The following XPO4 variants were observed in gnomAD, a reference collection of about 807,000 sequenced individuals.
The protein encoded by XPO4 is exportin-4.
In XPO4, 39 loss-of-function variants were observed where a neutral mutation model predicts 143.0. The observed-to-expected ratio is 0.27, with a 90% CI of 0.21 to 0.36. The LOEUF (loss-of-function observed/expected upper bound fraction) is 0.36, where lower values mean the gene tolerates loss of function less well. XPO4 is among the 10% of genes least tolerant of loss of function. The pLI is 1.00. For synonymous variants in XPO4, 439 were observed against 474.0 expected, an observed-to-expected ratio of 0.93 and a Z score of 0.96; for missense variants, 907 against 1,348.0, an observed-to-expected ratio of 0.67 and a Z score of 5.12.
chr13:20,784,029 A>G, intron 22 of XPO4, 110 bp from the exon 23 acceptor site: 2 of 1,028,268 alleles, frequency 1.9e-6, no homozygotes, highest in African/African-American at 3.2e-5. Context: ...CATTTTTAAG[A>G]GTTAACATTT....
intron 14 of XPO4, 141 bp downstream of exon 14, chr13:20,800,690 C>A (rs544875432): frequency 5.7e-6 from 6 of 1,055,466 alleles, no homozygotes; most frequent in Non-Finnish European, 8.1e-6. Context: ...ATTCCAGTCA[C>A]ATAATTCTCT....
intron 19 of XPO4, among the ~76,000 whole-genome samples, chr13:20,789,112 G>C (rs74036444): frequency 6.6e-6 from 1 of 152,184 alleles, no homozygotes; most frequent in Non-Finnish European, 1.5e-5. Context: ...GTAAAAGTAA[G>C]TAATCTGGTT....
At chr13:20,901,515 CAA>C (rs932950398) in intron 1 of XPO4, among the ~76,000 whole-genome samples, 1 of 152,126 alleles carries the variant, frequency 6.6e-6, no homozygotes, top group Non-Finnish European at 1.5e-5. Context: ...GCTTAATTTG[CAA>C]AAGTGTGAAA....
chr13:20,891,269 T>C (rs1039595624), intron 1 of XPO4, among the ~76,000 whole-genome samples: 2 of 151,904 alleles, frequency 1.3e-5, no homozygotes, highest in African/African-American at 4.8e-5. Flanking sequence ...GGCTACCACA[T>C]TGGAGAGAGC....
At chr13:20,813,997 G>C (rs1396026210) in intron 9 of XPO4, among the ~76,000 whole-genome samples, 1 of 151,780 alleles carries the variant, frequency 6.6e-6, no homozygotes, top group African/African-American at 2.4e-5. Flanking sequence ...CTAAGAGCCA[G>C]GCACTGGAAT....
chr13:20,787,475 T>A lies in XPO4; in HGVS notation c.3165+6A>T, dbSNP rs369441775. On this transcript the variant is annotated splice_donor_region_variant and intron_variant, in intron 21 of 22. Transcript: ENST00000255305. ...GATTTTCTGACCTACCGCACAGACA[T>A]CTTACCTTAAGAAAGTGCCGTGTTG... 1 of 1,613,586 alleles carries A rather than the reference T, an allele frequency of 6.2e-7. No homozygotes were observed. Among genetic ancestry groups the A allele is most frequent in the Non-Finnish European group, 8.5e-7 (1 of 1,179,576 alleles).
At chr13:20,807,738 T>C in intron 12 of XPO4, 104 bp from the exon 13 acceptor site, 1 of 895,312 alleles carries the variant, frequency 1.1e-6, no homozygotes, top group Non-Finnish European at 1.5e-6. Context: ...TATAAATTGA[T>C]GTAAATTATA....
At chr13:20,859,407 T>C (rs1326665693) in intron 3 of XPO4, among the ~76,000 whole-genome samples, 3 of 152,170 alleles carry the variant, frequency 2.0e-5, no homozygotes, top group Non-Finnish European at 2.9e-5. Context: ...GAGACCATCC[T>C]GGCTAACACA....
Position 20,868,679 on chromosome 13 carries a change from T to A in XPO4, c.92A>T (p.Asn31Ile). 1 of 1,612,968 alleles carries A rather than the reference T, an allele frequency of 6.2e-7. No individual in the cohort carries two copies. The highest frequency in any genetic ancestry group is 8.5e-7 in the Non-Finnish European group (1 of 1,179,460). Residue 31 changes from asparagine (N) to isoleucine (I), a missense_variant, in exon 2 of 23, where the codon AAT becomes ATT. Physicochemically the swap from Asn to Ile is moderately radical, Grantham distance 149. Coordinates refer to ENST00000255305, the MANE Select transcript of XPO4 (RefSeq NM_022459.5). ...GTGCTCTGCATGCTGGCGTTGTTCATTATTGACCATGGAAGGTGGTGCCTT... is the reference window on the plus strand; with the variant it reads ...GTGCTCTGCATGCTGGCGTTGTTCAATATTGACCATGGAAGGTGGTGCCTT... ...VLMAPPSMVN[N>I]EQRQHAEHIF...
At chr13:20,811,462 A>G (rs1178742120) in intron 9 of XPO4, among the ~76,000 whole-genome samples, 2 of 151,716 alleles carry the variant, frequency 1.3e-5, no homozygotes, top group African/African-American at 4.8e-5. Flanking sequence ...TAATGTTTGT[A>G]TTTTTAGTAG....
rs1480360309 is a variant in XPO4, at chr13:20,832,044, A to C, written c.728-4865T>G. ...CCCCTCTCCCACAACAATCCTATCT[A>C]GCTCTAAAATTCTCCACTTAGGAAA... On this transcript the variant is annotated intron_variant, in intron 6 of 22. Coordinates refer to ENST00000255305, the MANE Select transcript of XPO4 (RefSeq NM_022459.5). Among the ~76,000 whole-genome samples the C allele has an allele frequency of 2.0e-5, 3 of 152,200 alleles. No homozygotes were observed. In the East Asian group the frequency reaches 5.8e-4, roughly 29 times the overall value.
At chr13:20,845,910 T>C (rs2060024405) in intron 4 of XPO4, among the ~76,000 whole-genome samples, 1 of 152,194 alleles carries the variant, frequency 6.6e-6, no homozygotes, top group Non-Finnish European at 1.5e-5. Context: ...CACTTAGCTT[T>C]TCACTTATCC....
intron 1 of XPO4, among the ~76,000 whole-genome samples, chr13:20,888,175 C>CAAAAAA (rs60114182): frequency 1.1e-5 from 1 of 90,584 alleles, no homozygotes; most frequent in African/African-American, 4.7e-5. Context: ...AACTCCATCT[C>CAAAAAA]AAAAAAAAAA....
At chr13:20,858,539 G>A (rs961034599) in intron 3 of XPO4, among the ~76,000 whole-genome samples, 12 of 152,092 alleles carry the variant, frequency 7.9e-5, no homozygotes, top group African/African-American at 2.7e-4. Context: ...GGGCAACACA[G>A]CAAGACTCTC....
Position 20,870,194 on chromosome 13 carries a change from G to A in XPO4, c.70-1493C>T, listed in dbSNP as rs571457072. Among the ~76,000 whole-genome samples the A allele has an allele frequency of 1.6e-4, 24 of 151,806 alleles. No individual in the cohort carries two copies. The East Asian group carries it at 3.9e-3, about 25-fold the overall frequency. On this transcript the variant is annotated intron_variant, in intron 1 of 22. Coordinates refer to ENST00000255305, the MANE Select transcript of XPO4 (RefSeq NM_022459.5). ...TGTAATTCCAGCACTTTGGAAGGCC[G>A]AAGAGTACAGGTCACCTGGGGTCAG...
intron 9 of XPO4, among the ~76,000 whole-genome samples, chr13:20,818,575 C>T (rs2059679803): frequency 1.3e-5 from 2 of 152,034 alleles, no homozygotes; most frequent in Admixed American, 6.5e-5. Context: ...TGTTTTCCTA[C>T]TGGAAAAAGA....
intron 6 of XPO4, among the ~76,000 whole-genome samples, chr13:20,838,213 G>T (rs1215753702): frequency 6.6e-6 from 1 of 152,162 alleles, no homozygotes; most frequent in African/African-American, 2.4e-5. Context: ...GCATTATTTT[G>T]TCAGTATCTC....
At chr13:20,875,080 T>C (rs1272937433) in intron 1 of XPO4, among the ~76,000 whole-genome samples, 2 of 152,192 alleles carry the variant, frequency 1.3e-5, no homozygotes, top group Non-Finnish European at 1.5e-5. Context: ...GATGGTTTAA[T>C]AGTCTAATTA....
At chr13:20,899,553 A>C (rs2060601226) in intron 1 of XPO4, among the ~76,000 whole-genome samples, 1 of 152,160 alleles carries the variant, frequency 6.6e-6, no homozygotes, top group Non-Finnish European at 1.5e-5. Context: ...AGAGACGGTG[A>C]TAAAAGCTCT....
Sources: gnomAD v4.1 joint callset for allele counts (sites outside exome capture counted in the v4.1 genomes callset) on GRCh38, gnomAD v4.1.1 for gene constraint, MANE v1.5 for transcripts, NCBI Gene and HGNC (gene_info 2026-07-23, HGNC 2026-07-21) for gene names.